The following DSCAM variants were observed in gnomAD, a reference collection of about 807,000 sequenced individuals.
DSCAM encodes the protein DS cell adhesion molecule.
DSCAM carries 47 observed loss-of-function variants against 217.7 expected under a neutral mutation model. That is an observed-to-expected ratio of 0.22 (90% CI 0.17 to 0.28). The LOEUF (loss-of-function observed/expected upper bound fraction) is 0.28. Ranked by LOEUF, DSCAM falls within the 10% of genes least tolerant of loss-of-function variation. The pLI, the probability that DSCAM is intolerant of heterozygous loss-of-function variation, is 1.00. For synonymous variants in DSCAM, 1,056 were observed against 1,015.3 expected, an observed-to-expected ratio of 1.04 and a Z score of -0.76; for missense variants, 2,080 against 2,618.3, an observed-to-expected ratio of 0.79 and a Z score of 4.49.
intron 1 of DSCAM, among the ~76,000 whole-genome samples, chr21:40,743,879 CAT>C: frequency 6.6e-6 from 1 of 152,234 alleles, no homozygotes. Flanking sequence ...GAAGGAGAAA[CAT>C]GAGCAAGATT....
rs564442741 is a variant in DSCAM at position 40,180,467 on chromosome 21, GA to G, written c.2780-1374del. Among the ~76,000 whole-genome samples the G allele has an allele frequency of 1.2e-4, 18 of 152,190 alleles. 1 individual carries two copies. The East Asian group carries it at 2.5e-3, about 21-fold the overall frequency. ...GAAAAACATGAAATACAAAGAGTTGGAAAAAAATTGACAAGGGGAAGAATGG... is the reference window on the plus strand; with the variant it reads ...GAAAAACATGAAATACAAAGAGTTGGAAAAAATTGACAAGGGGAAGAATGG... On this transcript the variant is annotated intron_variant, in intron 14 of 32. Coordinates refer to ENST00000400454, the MANE Select transcript of DSCAM (RefSeq NM_001389.5).
intron 3 of DSCAM, among the ~76,000 whole-genome samples, chr21:40,393,991 C>T (rs2075156645): frequency 6.6e-6 from 1 of 152,146 alleles, no homozygotes; most frequent in Non-Finnish European, 1.5e-5. Context: ...TATTTTTCTG[C>T]ATTTCTAATT....
chr21:40,680,567 T>C (rs551083596), intron 3 of DSCAM, among the ~76,000 whole-genome samples: 1,529 of 151,584 alleles, frequency 0.01, 21 homozygotes, highest in African/African-American at 0.035. Flanking sequence ...TTTGCTTATT[T>C]ACTGTATCTG....
chr21:40,436,283 C>T (rs2075581792), intron 3 of DSCAM, among the ~76,000 whole-genome samples: 1 of 152,120 alleles, frequency 6.6e-6, no homozygotes, highest in Non-Finnish European at 1.5e-5. Context: ...TCAGAAATTA[C>T]ACAAAGATTA....
intron 3 of DSCAM, among the ~76,000 whole-genome samples, chr21:40,592,587 A>T (rs1414884604): frequency 6.6e-6 from 1 of 152,016 alleles, no homozygotes; most frequent in Non-Finnish European, 1.5e-5. Flanking sequence ...CAATACACCA[A>T]ACTCTTTCTT....
chr21:40,428,234 TTGTG>T (rs71186936), intron 3 of DSCAM, among the ~76,000 whole-genome samples: 10,227 of 128,802 alleles, frequency 0.079, 387 homozygotes, highest in Non-Finnish European at 0.086. Context: ...GGCAAATACT[TTGTG>T]TGTGTGTGTG....
chr21:40,844,158 G>A (rs990737244), intron 1 of DSCAM, among the ~76,000 whole-genome samples: 1 of 152,068 alleles, frequency 6.6e-6, no homozygotes, highest in South Asian at 2.1e-4. Flanking sequence ...AATTCAGATA[G>A]GTAGAAACCA....
In DSCAM at chr21:40,198,162, A is replaced by G. The variant is rs534587304; in HGVS notation, c.2357-8924T>C. Among the ~76,000 whole-genome samples, 10 of 152,326 alleles carry G rather than the reference A, an allele frequency of 6.6e-5. No homozygotes were observed. The South Asian group carries it at 2.1e-3, about 32-fold the overall frequency. On this transcript the variant is annotated intron_variant, in intron 11 of 32. Transcript: ENST00000400454. Reference sequence around the variant, plus strand: ...GAATTAAGCAGACGAGACTGGCTACACAATTTGCAGGACCCAGAGCAAAAT... The same window carrying G: ...GAATTAAGCAGACGAGACTGGCTACGCAATTTGCAGGACCCAGAGCAAAAT...
rs138999466 is a variant in DSCAM, at chr21:40,648,360, G to C, written c.508+44450C>G. On this transcript the variant is annotated intron_variant, in intron 3 of 32. Transcript: ENST00000400454. Reference sequence around the variant, plus strand: ...CCTGACACTTCTGATTTTAGGAATTGCTAGGGTGATCTCTCGTTTGGGCAG... The same window carrying C: ...CCTGACACTTCTGATTTTAGGAATTCCTAGGGTGATCTCTCGTTTGGGCAG... Among the ~76,000 whole-genome samples, 58 of 151,746 alleles carry C rather than the reference G, an allele frequency of 3.8e-4. No individual in the cohort carries two copies. The East Asian group carries it at 8.4e-3, about 22-fold the overall frequency.
intron 1 of DSCAM, among the ~76,000 whole-genome samples, chr21:40,756,955 A>T (rs4816695): frequency 6.6e-6 from 1 of 151,548 alleles, no homozygotes; most frequent in Non-Finnish European, 1.5e-5. Flanking sequence ...AGCCTGTAAG[A>T]AAGATTGCCC....
chr21:40,217,731 T>C (rs2091256128), intron 11 of DSCAM, among the ~76,000 whole-genome samples: 1 of 152,190 alleles, frequency 6.6e-6, no homozygotes, highest in Non-Finnish European at 1.5e-5. Context: ...TGATATCTCA[T>C]TGTGGTTTTG....
intron 3 of DSCAM, among the ~76,000 whole-genome samples, chr21:40,489,885 G>T (rs1208580801): frequency 6.7e-6 from 1 of 148,702 alleles, no homozygotes; most frequent in Non-Finnish European, 1.5e-5. Context: ...AAAAATCAAA[G>T]ATATATTATT....
intron 2 of DSCAM, among the ~76,000 whole-genome samples, chr21:40,706,314 G>T (rs2090717443): frequency 1.3e-5 from 2 of 152,312 alleles, no homozygotes; most frequent in South Asian, 4.1e-4. Context: ...AGGCAGCCTG[G>T]GTAAGGAGCA....
intron 3 of DSCAM, among the ~76,000 whole-genome samples, chr21:40,657,459 G>C (rs1010482269): frequency 2.6e-5 from 4 of 152,162 alleles, no homozygotes; most frequent in African/African-American, 9.6e-5. Context: ...AACATTAGTG[G>C]GCTAGTTCAA....
chr21:40,390,724 T>G (rs1004302050), intron 3 of DSCAM, among the ~76,000 whole-genome samples: 2 of 152,256 alleles, frequency 1.3e-5, no homozygotes, highest in South Asian at 2.1e-4. Context: ...CACATGGCCA[T>G]GTTCTCTCTG....
At chr21:40,178,141 C>A (rs1350950158) in intron 15 of DSCAM, among the ~76,000 whole-genome samples, 1 of 152,206 alleles carries the variant, frequency 6.6e-6, no homozygotes, top group Non-Finnish European at 1.5e-5. Context: ...TGACAATCAG[C>A]ATTCATGGAC....
Position 40,667,656 on chromosome 21 carries a change from C to T in DSCAM, c.508+25154G>A, listed in dbSNP as rs546369833. Among the ~76,000 whole-genome samples the T allele has an allele frequency of 5.4e-5, 8 of 148,944 alleles. No individual in the cohort carries two copies. The South Asian group carries it at 6.3e-4, about 12-fold the overall frequency. On this transcript the variant is annotated intron_variant, in intron 3 of 32. Coordinates refer to ENST00000400454, the MANE Select transcript of DSCAM (RefSeq NM_001389.5). ...GGGGCAGTTACCCCCATGCTATTCTCGTGATAGTGAGTGAGTCCTCATGAT... is the reference window on the plus strand; with the variant it reads ...GGGGCAGTTACCCCCATGCTATTCTTGTGATAGTGAGTGAGTCCTCATGAT...
At chr21:40,671,501 C>A (rs1396561988) in intron 3 of DSCAM, among the ~76,000 whole-genome samples, 1 of 132,310 alleles carries the variant, frequency 7.6e-6, no homozygotes, top group African/African-American at 4.0e-5. Flanking sequence ...TAGTGAAACT[C>A]CCCCCCCGCA....
intron 1 of DSCAM, among the ~76,000 whole-genome samples, chr21:40,827,164 G>C (rs1006684845): frequency 2.6e-5 from 4 of 152,154 alleles, no homozygotes; most frequent in Non-Finnish European, 4.4e-5. Context: ...GCACGGTCCA[G>C]GTGAAGGTGT....
Sources: allele counts gnomAD v4.1 joint callset (sites outside exome capture counted in the v4.1 genomes callset), GRCh38; gene constraint gnomAD v4.1.1; transcripts MANE v1.5; gene names NCBI Gene and HGNC (gene_info 2026-07-23, HGNC 2026-07-21).